ITGA6: variants seen among roughly 807,000 people sequenced by gnomAD.
ITGA6 encodes integrin alpha-6.
Under a neutral mutation model 133.6 loss-of-function variants are expected in ITGA6, and 63 were observed. That is an observed-to-expected ratio of 0.47 (90% CI 0.38 to 0.58). The LOEUF is 0.58. Among genes scored for constraint, ITGA6 ranks in the 20% least tolerant of loss-of-function variants. The probability of loss-of-function intolerance (pLI) is 0.00; values close to 1 mark genes in which losing one functional copy is unlikely to be tolerated. For missense variants in ITGA6, 1,068 were observed against 1,309.4 expected, an observed-to-expected ratio of 0.82 and a Z score of 2.85; for synonymous variants, 434 against 482.0, an observed-to-expected ratio of 0.90 and a Z score of 1.30.
At chr2:172,463,685 A>T (rs1685527233) in intron 1 of ITGA6, among the ~76,000 whole-genome samples, 1 of 152,158 alleles carries the variant, frequency 6.6e-6, no homozygotes, top group African/African-American at 2.4e-5. Flanking sequence ...GTAAAACTGG[A>T]GGACTGGTCT....
At chr2:172,474,031 G>C (rs755076148) in intron 5 of ITGA6, 24 bp from the exon 6 acceptor site, 2 of 1,504,582 alleles carry the variant, frequency 1.3e-6, no homozygotes, top group African/African-American at 1.4e-5. Flanking sequence ...GATGTGAGGG[G>C]CTCTATATAT....
Position 172,504,240 on chromosome 2 carries a change from A to C in ITGA6, c.*172A>C. ...GGATCACAAAGTGGAACGAAAATGA[A>C]AGCTACTCATAGCGGGGGCCTAAAA... On this transcript the variant is annotated 3_prime_UTR_variant, in exon 26 of 26. Transcript: ENST00000684293. 1 of 1,578,848 alleles carries C rather than the reference A, an allele frequency of 6.3e-7. No individual in the cohort carries two copies. Among genetic ancestry groups the C allele is most frequent in the Non-Finnish European group, 8.6e-7 (1 of 1,162,464 alleles).
chr2:172,493,020 T>G (rs531325773), intron 23 of ITGA6, among the ~76,000 whole-genome samples: 5 of 152,260 alleles, frequency 3.3e-5, no homozygotes, highest in Admixed American at 2.6e-4. Flanking sequence ...GCAATCCTCC[T>G]GTCTCACCTC....
intron 1 of ITGA6, among the ~76,000 whole-genome samples, chr2:172,442,693 C>T (rs935023578): frequency 6.6e-5 from 10 of 152,188 alleles, no homozygotes; most frequent in African/African-American, 2.2e-4. Flanking sequence ...GTTGCCAGCA[C>T]AGTGCCTGGC....
Position 172,504,288 on chromosome 2 carries a change from A to G in ITGA6, c.*220A>G, listed in dbSNP as rs1393453038. The G allele has an allele frequency of 1.3e-6, 2 of 1,484,970 alleles. No individual in the cohort carries two copies. The highest frequency in any genetic ancestry group is 2.5e-5 in the Admixed American group (1 of 40,048). 92.0% of individuals were successfully genotyped at this position (1,484,970 alleles called of 1,614,324 possible). A position where few individuals can be genotyped will look rare whatever the true frequency, so the allele number is the denominator to read the frequency against. On this transcript the variant is annotated 3_prime_UTR_variant, in exon 26 of 26. Coordinates refer to ENST00000684293, the MANE Select transcript of ITGA6 (RefSeq NM_000210.4). ...AAAAAAAAAAGCTTCACAGTACCCAAACTGCTTTTTCCAACTCAGAAATTC... is the reference window on the plus strand; with the variant it reads ...AAAAAAAAAAGCTTCACAGTACCCAGACTGCTTTTTCCAACTCAGAAATTC...
At chr2:172,501,280 C>T (rs1446064062) in intron 24 of ITGA6, among the ~76,000 whole-genome samples, 1 of 152,096 alleles carries the variant, frequency 6.6e-6, no homozygotes, top group African/African-American at 2.4e-5. Context: ...AAGTAAATGG[C>T]ATTTGTTCCA....
intron 1 of ITGA6, among the ~76,000 whole-genome samples, chr2:172,443,276 C>G (rs1684617677): frequency 6.6e-6 from 1 of 152,168 alleles, no homozygotes. Context: ...TATTTTTAAT[C>G]TCTGCATAAT....
chr2:172,458,084 C>T (rs184503315), intron 1 of ITGA6, among the ~76,000 whole-genome samples: 250 of 152,168 alleles, frequency 1.6e-3, no homozygotes, highest in African/African-American at 5.7e-3. Context: ...TTCCATCGTT[C>T]CCTACCTCTG....
intron 1 of ITGA6, among the ~76,000 whole-genome samples, chr2:172,461,490 C>A (rs542920455): frequency 6.6e-6 from 1 of 152,302 alleles, no homozygotes; most frequent in East Asian, 1.9e-4. Context: ...ATTTCTATCA[C>A]CTCCCTACAA....
chr2:172,491,616 A>C lies in ITGA6; in HGVS notation c.2988+93A>C, dbSNP rs550030070. 1.3e-4 allele frequency: 107 copies of C among 811,154 alleles called. No homozygotes were observed. The African/African-American group carries it at 1.4e-3, about 10-fold the overall frequency. The allele number at this position is 811,154 out of a possible 1,614,324, so 50.2% of individuals were successfully genotyped here. A position where few individuals can be genotyped will look rare whatever the true frequency, so the allele number is the denominator to read the frequency against. On this transcript the variant is annotated intron_variant, in intron 23 of 25. Transcript: ENST00000684293. The surrounding 1 kb of genome is among the most constrained non-coding windows in gnomAD (Gnocchi z 4.4). ...CCTGAAGTCATGTGCTTTGGTGCTC[A>C]TTTCCCTCATAGCCCCATTACGGAG...
At chr2:172,434,917 C>A (rs1289107436) in intron 1 of ITGA6, among the ~76,000 whole-genome samples, 1 of 151,728 alleles carries the variant, frequency 6.6e-6, no homozygotes, top group Non-Finnish European at 1.5e-5. Context: ...AAGGAAGCAC[C>A]CAGTAATGCC....
intron 23 of ITGA6, among the ~76,000 whole-genome samples, chr2:172,496,407 T>G (rs1357066484): frequency 1.3e-5 from 2 of 152,212 alleles, no homozygotes; most frequent in Non-Finnish European, 2.9e-5. Context: ...GTCTATTGAA[T>G]GTTTAAAGAA....
intron 1 of ITGA6, among the ~76,000 whole-genome samples, chr2:172,457,997 C>A (rs1397997382): frequency 6.6e-6 from 1 of 151,972 alleles, no homozygotes; most frequent in Non-Finnish European, 1.5e-5. Context: ...CAAGAGTGAT[C>A]AGGTAAAGCA....
intron 1 of ITGA6, among the ~76,000 whole-genome samples, chr2:172,441,927 TA>T (rs1684560780): frequency 6.6e-6 from 1 of 152,144 alleles, no homozygotes; most frequent in Admixed American, 6.5e-5. Context: ...TCCAGCTAGC[TA>T]ATGTGTCTGT....
chr2:172,484,966 C>T, intron 12 of ITGA6, 24 bp downstream of exon 12: 1 of 1,612,748 alleles, frequency 6.2e-7, no homozygotes, highest in Middle Eastern at 1.6e-4. Flanking sequence ...ATGGTCACAT[C>T]TGTTTTATGA....
In ITGA6 at chr2:172,475,680, A is replaced by T. The variant is rs757094364; in HGVS notation, c.1264A>T (p.Thr422Ser). The T allele has an allele frequency of 6.4e-7, 1 of 1,562,654 alleles. No homozygotes were observed. The highest frequency in any genetic ancestry group is 8.8e-7 in the Non-Finnish European group (1 of 1,133,088). ...TGCAAATGGAATAAATACCAAACCA[A>T]CACAGGTAACCAAATAACCGGGATT... Reference protein sequence around the residue: ...GSANGINTKPTQVLKGISPYF... With the variant: ...GSANGINTKPSQVLKGISPYF... The change falls in exon 8 of 26, where the codon ACA becomes TCA. Residue 422 changes from threonine (T) to serine (S), a missense_variant. This residue lies in a region of ITGA6 where 317 missense variants were observed against 456.9 expected (regional missense o/e 0.69). Transcript: ENST00000684293.
intron 23 of ITGA6, among the ~76,000 whole-genome samples, chr2:172,497,703 TAAC>T (rs1687186292): frequency 1.3e-5 from 2 of 152,120 alleles, no homozygotes; most frequent in Non-Finnish European, 2.9e-5. Context: ...CTTGTGTTGA[TAAC>T]AAATTTTTTT....
At chr2:172,431,002 G>T (rs1191983231) in intron 1 of ITGA6, among the ~76,000 whole-genome samples, 2 of 152,164 alleles carry the variant, frequency 1.3e-5, no homozygotes, top group Admixed American at 1.3e-4. Flanking sequence ...AGAAGAAGGA[G>T]ATCTATAAGA....
chr2:172,476,523 C>G lies in ITGA6; in HGVS notation c.1388+10C>G, dbSNP rs1686181768. 2.1e-6 allele frequency: 3 copies of G among 1,450,302 alleles called. No homozygotes were observed. Among genetic ancestry groups the G allele is most frequent in the Non-Finnish European group, 2.9e-6 (3 of 1,030,662 alleles). The allele number at this position is 1,450,302 out of a possible 1,614,324, so 89.8% of individuals were successfully genotyped here. Reference sequence around the variant, plus strand: ...CAGTAACTATTTTCAGGTCTGTTATCTATGATTTTAGTGTTAAGCATGTTC... The same window carrying G: ...CAGTAACTATTTTCAGGTCTGTTATGTATGATTTTAGTGTTAAGCATGTTC... On this transcript the variant is annotated intron_variant, in intron 9 of 25. Coordinates refer to ENST00000684293, the MANE Select transcript of ITGA6 (RefSeq NM_000210.4).
Sources: gnomAD v4.1 joint callset for allele counts (sites outside exome capture counted in the v4.1 genomes callset) on GRCh38, gnomAD v4.1.1 for gene constraint, gnomAD v4.1.1 regional missense constraint, Gnocchi (gnomAD v3.1) non-coding constraint, MANE v1.5 for transcripts, NCBI Gene and HGNC (gene_info 2026-07-23, HGNC 2026-07-21) for gene names.